The following SCN2A variants were observed in gnomAD, a reference collection of about 807,000 sequenced individuals.
The protein encoded by SCN2A is sodium channel protein type 2 subunit alpha.
A neutral mutation model predicts 188.7 loss-of-function variants in SCN2A; 20 were observed. The ratio of observed to expected loss-of-function variants is 0.11; its 90% CI spans 0.07 to 0.15. The LOEUF is 0.15. Ranked by LOEUF, SCN2A falls within the 10% of genes least tolerant of loss-of-function variation. The pLI is 1.00. For missense variants in SCN2A, 1,278 were observed against 2,445.0 expected (o/e 0.52, Z 10.07); for synonymous variants, 804 against 833.1 (o/e 0.97, Z 0.60).
chr2:165,382,005 G>A (rs1490603680), intron 25 of SCN2A, among the ~76,000 whole-genome samples: 5 of 151,888 alleles, frequency 3.3e-5, no homozygotes, highest in African/African-American at 4.8e-5. Flanking sequence ...TTGGTAAGCC[G>A]GCCAATAACT....
chr2:165,371,863 C>A (rs1345770655), intron 20 of SCN2A: 2 of 152,046 alleles, frequency 1.3e-5, no homozygotes, highest in Non-Finnish European at 2.9e-5. Flanking sequence ...ATTTAGAGAT[C>A]AAAACACCAA....
intron 22 of SCN2A, 52 bp downstream of exon 22, chr2:165,375,018 A>C: frequency 6.6e-7 from 1 of 1,520,094 alleles, no homozygotes; most frequent in Non-Finnish European, 9.1e-7. Context: ...ATGAGTCTAA[A>C]GTTTTTCTTC....
chr2:165,306,243 A>G (rs556193962), intron 3 of SCN2A, among the ~76,000 whole-genome samples: 2 of 152,120 alleles, frequency 1.3e-5, no homozygotes, highest in Admixed American at 1.3e-4. Context: ...AATATTTGAA[A>G]TTTTTCTTTG....
At position 165,312,013 on chromosome 2, in the gene SCN2A, CT is replaced by C. The variant is rs750968741; in HGVS notation, c.971-11del. On this transcript the variant is annotated splice_polypyrimidine_tract_variant and intron_variant, in intron 7 of 26. Coordinates refer to ENST00000375437, the MANE Select transcript of SCN2A (RefSeq NM_001040142.2). ...TTTTAATGATTCTTTCTATTCCTTT[CT>C]CTTTAAATAGGTCACTTTTATTTTT... 6.2e-7 allele frequency: 1 copy of C among 1,600,402 alleles called. No individual in the cohort carries two copies. Among genetic ancestry groups the C allele is most frequent in the Non-Finnish European group, 8.6e-7 (1 of 1,168,744 alleles).
chr2:165,355,099 G>A (rs986447001), intron 17 of SCN2A, among the ~76,000 whole-genome samples: 3 of 152,112 alleles, frequency 2.0e-5, no homozygotes, highest in African/African-American at 4.8e-5. Flanking sequence ...TACGAAATAC[G>A]TCATAAAATA....
chr2:165,265,752 A>G (rs1468495617), intron 1 of SCN2A, among the ~76,000 whole-genome samples: 1 of 151,060 alleles, frequency 6.6e-6, no homozygotes, highest in Admixed American at 6.6e-5. Flanking sequence ...AACAAACAAC[A>G]TTTAAATAAG....
intron 12 of SCN2A, 144 bp downstream of exon 12, chr2:165,323,644 T>G: frequency 2.6e-6 from 2 of 768,438 alleles, no homozygotes; most frequent in Admixed American, 2.2e-5. Context: ...TTAACTGTCT[T>G]GTGAAACTGT....
chr2:165,350,500 T>C (rs1444539139), intron 16 of SCN2A, among the ~76,000 whole-genome samples: 1 of 118,134 alleles, frequency 8.5e-6, no homozygotes, highest in Non-Finnish European at 1.7e-5. Flanking sequence ...TGAGACGGAG[T>C]CTCGCTCTGT....
At chr2:165,256,321 A>T (rs1005024443) in intron 1 of SCN2A, among the ~76,000 whole-genome samples, 1 of 151,922 alleles carries the variant, frequency 6.6e-6, no homozygotes, top group Admixed American at 6.6e-5. Flanking sequence ...CTTTAATGTA[A>T]ATACTATTCC....
intron 3 of SCN2A, among the ~76,000 whole-genome samples, chr2:165,305,260 G>A (rs1027265169): frequency 3.6e-4 from 55 of 152,194 alleles, no homozygotes; most frequent in Middle Eastern, 6.8e-3. Flanking sequence ...GGAATGGAGG[G>A]GTAGATTAAA....
intron 1 of SCN2A, among the ~76,000 whole-genome samples, chr2:165,245,882 C>T (rs1393135662): frequency 6.6e-6 from 1 of 152,120 alleles, no homozygotes; most frequent in Non-Finnish European, 1.5e-5. Flanking sequence ...GTGAAATGAC[C>T]TATCAATTAG....
At chr2:165,247,536 G>A (rs1693899930) in intron 1 of SCN2A, among the ~76,000 whole-genome samples, 1 of 152,010 alleles carries the variant, frequency 6.6e-6, no homozygotes, top group East Asian at 1.9e-4. Context: ...TCTCCCCCTT[G>A]ATACACTGCC....
At chr2:165,265,824 C>CT (rs998615683) in intron 1 of SCN2A, among the ~76,000 whole-genome samples, 6 of 148,966 alleles carry the variant, frequency 4.0e-5, no homozygotes, top group Non-Finnish European at 6.0e-5. Flanking sequence ...TTTCTTTCTT[C>CT]TTTTTTTTCT....
chr2:165,351,606 T>C (rs779560370), intron 16 of SCN2A, among the ~76,000 whole-genome samples: 6 of 152,040 alleles, frequency 3.9e-5, no homozygotes, highest in Admixed American at 6.6e-5. Flanking sequence ...TTATTAACTG[T>C]GGTCTTGGAC....
intron 11 of SCN2A, among the ~76,000 whole-genome samples, chr2:165,316,484 A>C (rs941680511): frequency 3.3e-5 from 5 of 152,234 alleles, no homozygotes; most frequent in Non-Finnish European, 7.3e-5. Flanking sequence ...AATTACCAAG[A>C]GAATTCACAG....
In SCN2A at chr2:165,308,684, T is replaced by A; in HGVS notation, c.495T>A (p.Ile165=). Residue 165 remains isoleucine, a synonymous_variant, in exon 5 of 27, where the codon ATT becomes ATA. Coordinates refer to ENST00000375437, the MANE Select transcript of SCN2A (RefSeq NM_001040142.2). The stretch of plus-strand genomic sequence containing the variant: ...CTCTCAGGTATACCTTTACAGGAAT[T>A]TATACTTTTGAATCACTTATTAAAA... ...TKNVEYTFTG[I]YTFESLIKIL... is the part of the protein sequence containing the mutation. 6.2e-7 allele frequency: 1 copy of A among 1,612,194 alleles called. No homozygotes were observed. The highest frequency in any genetic ancestry group is 8.5e-7 in the Non-Finnish European group (1 of 1,178,582).
At chr2:165,275,545 G>A (rs538796449) in intron 1 of SCN2A, among the ~76,000 whole-genome samples, 3 of 152,256 alleles carry the variant, frequency 2.0e-5, no homozygotes, top group East Asian at 1.9e-4. Flanking sequence ...AAGAAGACTG[G>A]CCCTTAGTAG....
At chr2:165,304,616 T>C (rs928468579) in intron 3 of SCN2A, among the ~76,000 whole-genome samples, 1 of 152,070 alleles carries the variant, frequency 6.6e-6, no homozygotes, top group African/African-American at 2.4e-5. Context: ...AATTTGTCAT[T>C]AGAGGAATAA....
intron 6 of SCN2A, among the ~76,000 whole-genome samples, chr2:165,309,923 C>T (rs1360690901): frequency 1.3e-5 from 2 of 152,076 alleles, no homozygotes; most frequent in Non-Finnish European, 2.9e-5. Flanking sequence ...CATAATTCAT[C>T]GACTTCAAGA....
Sources: allele counts gnomAD v4.1 joint callset (sites outside exome capture counted in the v4.1 genomes callset), GRCh38; gene constraint gnomAD v4.1.1; transcripts MANE v1.5; gene names NCBI Gene and HGNC (gene_info 2026-07-23, HGNC 2026-07-21).